CSRP2: variants seen among roughly 807,000 people sequenced by gnomAD.
CSRP2 encodes the protein cysteine and glycine rich protein 2, also known as cysteine and glycine-rich protein 2.
In CSRP2, 18 loss-of-function variants were observed where a neutral mutation model predicts 24.6. The observed-to-expected ratio is 0.73, with a 90% CI of 0.51 to 1.09. The LOEUF (loss-of-function observed/expected upper bound fraction) is 1.09, where lower values mean the gene tolerates loss of function less well. Among genes scored for constraint, CSRP2 ranks in the 50% least tolerant of loss-of-function variants. The pLI, the probability that CSRP2 is intolerant of heterozygous loss-of-function variation, is 0.00. For missense variants in CSRP2, 215 were observed against 239.4 expected (o/e 0.90, Z 0.67); for synonymous variants, 87 against 84.3 (o/e 1.03, Z -0.18).
chr12:76,876,806 C>T (rs1488098638), intron 1 of CSRP2, among the ~76,000 whole-genome samples: 1 of 152,232 alleles, frequency 6.6e-6, no homozygotes, highest in African/African-American at 2.4e-5. Flanking sequence ...AACAGACTTT[C>T]ACTGATAGCC....
intron 1 of CSRP2, among the ~76,000 whole-genome samples, chr12:76,872,858 C>T (rs1476719921): frequency 1.3e-5 from 2 of 152,178 alleles, no homozygotes; most frequent in African/African-American, 4.8e-5. Flanking sequence ...TAAAACCACT[C>T]CACGTGTGTC....
intron 1 of CSRP2, among the ~76,000 whole-genome samples, chr12:76,877,570 C>A (rs187698097): frequency 1.6e-4 from 24 of 152,314 alleles, no homozygotes; most frequent in African/African-American, 5.3e-4. Context: ...TCATGTGATG[C>A]AGGTCTGGTC....
At chr12:76,864,963 A>G (rs1307635151) in intron 2 of CSRP2, 1 of 152,260 alleles carries the variant, frequency 6.6e-6, no homozygotes, top group Non-Finnish European at 1.5e-5. Context: ...GTGTAGGTAT[A>G]TGAAAGTGTT....
intron 2 of CSRP2, chr12:76,865,078 T>C (rs1462420046): frequency 6.6e-6 from 1 of 152,196 alleles, no homozygotes; most frequent in East Asian, 1.9e-4. Flanking sequence ...AAGGCATTAG[T>C]CAGCAGAGAC....
intron 3 of CSRP2, chr12:76,862,718 A>C: frequency 3.9e-6 from 5 of 1,294,422 alleles, no homozygotes; most frequent in Non-Finnish European, 5.0e-6. Context: ...TTCCATTTTT[A>C]AGTAAAAAAT....
intron 5 of CSRP2, 139 bp from the exon 6 acceptor site, chr12:76,859,167 C>A: frequency 1.4e-6 from 1 of 694,244 alleles, no homozygotes; most frequent in Non-Finnish European, 2.6e-6. Flanking sequence ...TTAAATGTGT[C>A]ATGTACTAAA....
intron 1 of CSRP2, among the ~76,000 whole-genome samples, chr12:76,867,366 C>T (rs1260089518): frequency 2.7e-5 from 4 of 147,022 alleles, no homozygotes; most frequent in South Asian, 2.1e-4. Context: ...AAAGATTAGC[C>T]GGGTGTGGTG....
rs374611670 is a variant in CSRP2, at chr12:76,860,414, C to T, written c.282-1G>A. 3 of 1,583,100 alleles carry T rather than the reference C, an allele frequency of 1.9e-6. No homozygotes were observed. Among genetic ancestry groups the T allele is most frequent in the African/African-American group, 2.9e-5 (2 of 68,480 alleles). On this transcript the variant is annotated splice_acceptor_variant, in intron 3 of 5. Coordinates refer to ENST00000311083, the MANE Select transcript of CSRP2 (RefSeq NM_001321.3). LOFTEE classifies it high-confidence loss of function. ...TGTTGTAGGCCTGTGAGGCTGAACA[C>T]TTGTGAAAAGAGGAAAAAAAAAGTA...
chr12:76,860,485 A>C, intron 3 of CSRP2, 72 bp from the exon 4 acceptor site: 1 of 1,555,352 alleles, frequency 6.4e-7, no homozygotes, highest in Admixed American at 1.7e-5. Context: ...AGGCAGGAAC[A>C]ATAGAACTCT....
intron 1 of CSRP2, among the ~76,000 whole-genome samples, chr12:76,869,580 C>A (rs867449934): frequency 1.1e-3 from 105 of 95,336 alleles, no homozygotes; most frequent in South Asian, 0.011. Flanking sequence ...ACACACACAC[C>A]CCTGACTGGT....
chr12:76,861,334 T>C (rs555515668), intron 3 of CSRP2: 62 of 148,840 alleles, frequency 4.2e-4, no homozygotes, highest in African/African-American at 1.4e-3. Context: ...CTAGGCAACA[T>C]AGCAAGACCC....
intron 1 of CSRP2, among the ~76,000 whole-genome samples, chr12:76,872,944 C>G (rs770539659): frequency 1.8e-4 from 28 of 152,338 alleles, no homozygotes; most frequent in Admixed American, 9.8e-4. Context: ...GTATGATAAT[C>G]AAGAGCTGAC....
chr12:76,860,500 C>T (rs1359555087), intron 3 of CSRP2, 87 bp from the exon 4 acceptor site: 2 of 1,479,780 alleles, frequency 1.4e-6, no homozygotes, highest in Non-Finnish European at 1.8e-6. Flanking sequence ...AACTCTGGGA[C>T]TTAACCGCTA....
At chr12:76,866,321 G>A in intron 1 of CSRP2, 60 bp from the exon 2 acceptor site, 1 of 1,325,878 alleles carries the variant, frequency 7.5e-7, no homozygotes, top group Non-Finnish European at 1.1e-6. Flanking sequence ...TCCCTAGAGG[G>A]CTATTTAAGC....
At chr12:76,861,334 T>G (rs555515668) in intron 3 of CSRP2, 5 of 148,750 alleles carry the variant, frequency 3.4e-5, no homozygotes, top group African/African-American at 9.9e-5. Flanking sequence ...CTAGGCAACA[T>G]AGCAAGACCC....
At chr12:76,860,903 A>AC (rs1157110836) in intron 3 of CSRP2, 1 of 152,340 alleles carries the variant, frequency 6.6e-6, no homozygotes, top group Non-Finnish European at 1.5e-5. Context: ...AGCATGTTTT[A>AC]TAGATTACTT....
Position 76,866,271 on chromosome 12 carries a change from T to A in CSRP2, c.-1-10A>T, listed in dbSNP as rs375897146. 5.1e-4 allele frequency: 814 copies of A among 1,604,960 alleles called. 8 individuals are homozygous for A. In the African/African-American group the frequency reaches 9.6e-3, roughly 19 times the overall value. The stretch of plus-strand genomic sequence containing the variant: ...TCCCCAGACAGGCATTCTGAAGGAA[T>A]AAAGGATTCATTAGAATGTCCCTGT... On this transcript the variant is annotated splice_polypyrimidine_tract_variant and intron_variant, in intron 1 of 5. Transcript: ENST00000311083.
intron 5 of CSRP2, chr12:76,859,339 A>G: frequency 3.4e-6 from 2 of 596,854 alleles, no homozygotes; most frequent in Middle Eastern, 3.5e-4. Flanking sequence ...AAAGATGGCT[A>G]TTTGTGGTGT....
chr12:76,860,087 A>C (rs576404249), intron 4 of CSRP2, among the ~76,000 whole-genome samples, 197 bp downstream of exon 4: 4 of 152,314 alleles, frequency 2.6e-5, no homozygotes, highest in African/African-American at 9.6e-5. Context: ...AAGTTCTTTT[A>C]AACAGAAAAA....
Sources: gnomAD v4.1 joint callset for allele counts (sites outside exome capture counted in the v4.1 genomes callset) on GRCh38, gnomAD v4.1.1 for gene constraint, MANE v1.5 for transcripts, NCBI Gene and HGNC (gene_info 2026-07-23, HGNC 2026-07-21) for gene names.